Variants in PRKN observed in about 807,000 individuals in gnomAD.
The protein encoded by PRKN is parkin RBR E3 ubiquitin protein ligase.
A neutral mutation model predicts 59.5 loss-of-function variants in PRKN; 56 were observed. The observed-to-expected ratio is 0.94, with a 90% CI of 0.76 to 1.18. The LOEUF is 1.18. Ranked by LOEUF, PRKN falls within the 50% of genes most tolerant of loss-of-function variation. The pLI is 0.00. For synonymous variants in PRKN, 250 were observed against 222.1 expected (o/e 1.13, Z -1.12); for missense variants, 657 against 596.4 (o/e 1.10, Z -1.06).
At chr6:162,451,854 GAAAT>G (rs1790643371) in intron 1 of PRKN, among the ~76,000 whole-genome samples, 2 of 152,064 alleles carry the variant, frequency 1.3e-5, no homozygotes, top group Admixed American at 1.3e-4. Flanking sequence ...AATATGTGAT[GAAAT>G]AAATAAATTT....
At chr6:161,891,613 C>G (rs1795346644) in intron 6 of PRKN, among the ~76,000 whole-genome samples, 1 of 152,120 alleles carries the variant, frequency 6.6e-6, no homozygotes, top group Non-Finnish European at 1.5e-5. Flanking sequence ...ATCTCTACAC[C>G]CTAAACATTC....
rs1198771157 is a variant in PRKN, at chr6:161,369,685, G to A, written c.1168-9480C>T. On this transcript the variant is annotated intron_variant, in intron 10 of 11. Coordinates refer to ENST00000366898, the MANE Select transcript of PRKN (RefSeq NM_004562.3). The surrounding 1 kb of genome is among the most constrained non-coding windows in gnomAD (Gnocchi z 5.8). ...TGTGTACGCACGCGTGGTGGAGGTG[G>A]GGGTGGAACAGGACAAGTCTCTCTC... is the stretch of plus-strand genomic sequence containing the variant. 6.6e-6 allele frequency among the ~76,000 whole-genome samples: 1 copy of A among 152,022 alleles called. No individual in the cohort carries two copies. Among genetic ancestry groups the A allele is most frequent in the African/African-American group, 2.4e-5 (1 of 41,378 alleles).
chr6:162,097,315 A>G (rs1159654071), intron 4 of PRKN, among the ~76,000 whole-genome samples: 1 of 152,238 alleles, frequency 6.6e-6, no homozygotes, highest in Non-Finnish European at 1.5e-5. Flanking sequence ...TGGAACACAT[A>G]TTATGTGTCT....
chr6:162,683,204 G>A (rs569985764), intron 1 of PRKN, among the ~76,000 whole-genome samples: 1 of 152,234 alleles, frequency 6.6e-6, no homozygotes, highest in Non-Finnish European at 1.5e-5. Flanking sequence ...GGCCTATGCT[G>A]TCCAAAAGAG....
chr6:162,110,527 T>C (rs1780385134), intron 4 of PRKN, among the ~76,000 whole-genome samples: 1 of 152,334 alleles, frequency 6.6e-6, no homozygotes, highest in Middle Eastern at 3.4e-3. Flanking sequence ...ACAAACAATA[T>C]AATTATAAAT....
intron 4 of PRKN, among the ~76,000 whole-genome samples, chr6:162,092,884 A>G (rs1779558940): frequency 1.3e-5 from 2 of 152,194 alleles, no homozygotes; most frequent in Non-Finnish European, 2.9e-5. Flanking sequence ...TGAAAAGTAT[A>G]AACTGCATCA....
chr6:161,614,212 T>C (rs1460106914), intron 7 of PRKN, among the ~76,000 whole-genome samples: 1 of 152,188 alleles, frequency 6.6e-6, no homozygotes, highest in Non-Finnish European at 1.5e-5. Context: ...CTATTTGAGG[T>C]CTGTGACCTT....
rs1449277912 is a variant in PRKN, at chr6:162,276,364, C to T, written c.172-13599G>A. Reference sequence around the variant, plus strand: ...ACTAATCATAGTTTAAGTTTTTCTGCTTGTAGTTCTTTTTGTCTTGGGATG... The same window carrying T: ...ACTAATCATAGTTTAAGTTTTTCTGTTTGTAGTTCTTTTTGTCTTGGGATG... On this transcript the variant is annotated intron_variant, in intron 2 of 11. Coordinates refer to ENST00000366898, the MANE Select transcript of PRKN (RefSeq NM_004562.3). 4.6e-5 allele frequency among the ~76,000 whole-genome samples: 7 copies of T among 152,026 alleles called. No individual in the cohort carries two copies. The South Asian group carries it at 1.5e-3, about 32-fold the overall frequency.
At chr6:162,359,883 G>A (rs745944234) in intron 2 of PRKN, among the ~76,000 whole-genome samples, 7 of 152,050 alleles carry the variant, frequency 4.6e-5, no homozygotes, top group Non-Finnish European at 8.8e-5. Context: ...ATATTCTACA[G>A]AACAAATATG....
At chr6:161,472,627 A>C (rs1174574615) in intron 9 of PRKN, among the ~76,000 whole-genome samples, 1 of 152,216 alleles carries the variant, frequency 6.6e-6, no homozygotes, top group East Asian at 1.9e-4. Flanking sequence ...AAGCTCAGGC[A>C]ACAAAAGTGA....
chr6:161,979,565 C>T (rs989082327), intron 5 of PRKN, among the ~76,000 whole-genome samples: 50 of 152,190 alleles, frequency 3.3e-4, no homozygotes, highest in African/African-American at 1.1e-3. Context: ...AGAGCCACTG[C>T]GCCCGGACCG....
intron 9 of PRKN, among the ~76,000 whole-genome samples, chr6:161,512,207 C>A (rs1778417474): frequency 6.6e-6 from 1 of 152,084 alleles, no homozygotes; most frequent in Non-Finnish European, 1.5e-5. Flanking sequence ...GTAAAAAATG[C>A]TCTAAAGCCT....
intron 7 of PRKN, among the ~76,000 whole-genome samples, chr6:161,651,291 A>G (rs1472376060): frequency 6.6e-6 from 1 of 152,130 alleles, no homozygotes; most frequent in Non-Finnish European, 1.5e-5. Context: ...CCCATAACTA[A>G]TTATCTGTAC....
chr6:162,048,569 A>G (rs1160610143), intron 5 of PRKN, among the ~76,000 whole-genome samples: 2 of 152,094 alleles, frequency 1.3e-5, no homozygotes, highest in African/African-American at 4.8e-5. Context: ...AGAGAAACAC[A>G]CATCCCCCAG....
chr6:162,371,296 T>G (rs114145674), intron 2 of PRKN, among the ~76,000 whole-genome samples: 1 of 152,144 alleles, frequency 6.6e-6, no homozygotes, highest in African/African-American at 2.4e-5. Context: ...TAATAGGAAC[T>G]GTCTTCTTTA....
intron 1 of PRKN, among the ~76,000 whole-genome samples, chr6:162,590,131 T>C (rs761567894): frequency 6.6e-5 from 10 of 152,188 alleles, no homozygotes; most frequent in Non-Finnish European, 1.3e-4. Flanking sequence ...GTCTTTATCT[T>C]TCTTCTCCTT....
At chr6:161,734,837 C>T (rs1006324989) in intron 7 of PRKN, among the ~76,000 whole-genome samples, 3 of 151,940 alleles carry the variant, frequency 2.0e-5, no homozygotes, top group Admixed American at 6.6e-5. Flanking sequence ...TTCATGTGTC[C>T]CTTTCCCATT....
intron 1 of PRKN, among the ~76,000 whole-genome samples, chr6:162,690,048 T>C (rs139096785): frequency 8.2e-5 from 9 of 109,214 alleles, no homozygotes; most frequent in Middle Eastern, 4.6e-3. Flanking sequence ...AATAAGAGCA[T>C]TGATTTATTT....
intron 8 of PRKN, among the ~76,000 whole-genome samples, chr6:161,567,620 G>T (rs1035090433): frequency 6.6e-6 from 1 of 152,050 alleles, no homozygotes; most frequent in Non-Finnish European, 1.5e-5. Context: ...GATCAATATT[G>T]CTCTGATGCA....
Sources: gnomAD v4.1 joint callset for allele counts (sites outside exome capture counted in the v4.1 genomes callset) on GRCh38, gnomAD v4.1.1 for gene constraint, Gnocchi (gnomAD v3.1) non-coding constraint, MANE v1.5 for transcripts, NCBI Gene and HGNC (gene_info 2026-07-23, HGNC 2026-07-21) for gene names.